TTC27: variants seen among roughly 807,000 people sequenced by gnomAD.
The protein encoded by TTC27 is tetratricopeptide repeat protein 27.
A neutral mutation model predicts 115.9 loss-of-function variants in TTC27; 79 were observed. That is an observed-to-expected ratio of 0.68 (90% CI 0.57 to 0.82). The LOEUF is 0.82. Among genes scored for constraint, TTC27 ranks in the 40% least tolerant of loss-of-function variants. The pLI is 0.00. For missense variants in TTC27, 1,054 were observed against 993.1 expected, an observed-to-expected ratio of 1.06 and a Z score of -0.82; for synonymous variants, 401 against 356.0, an observed-to-expected ratio of 1.13 and a Z score of -1.42.
At chr2:32,746,582 A>AAAAAAAAAT (rs56007091) in intron 12 of TTC27, among the ~76,000 whole-genome samples, 1 of 150,942 alleles carries the variant, frequency 6.6e-6, no homozygotes. Flanking sequence ...AAAAAAAAAA[A>AAAAAAAAAT]GAATGCACAT....
intron 12 of TTC27, among the ~76,000 whole-genome samples, chr2:32,739,418 T>C (rs1457837911): frequency 2.0e-5 from 3 of 152,154 alleles, no homozygotes; most frequent in Non-Finnish European, 4.4e-5. Context: ...AAAAACATAA[T>C]GAATCCATCC....
intron 13 of TTC27, among the ~76,000 whole-genome samples, chr2:32,762,287 GTGTGTGTGTGTGTGT>G: frequency 1.8e-5 from 1 of 57,054 alleles, no homozygotes; most frequent in Non-Finnish European, 4.2e-5. Context: ...GTGTGTGTGT[GTGTGTGTGTGTGTGT>G]GTGTGTGTGT....
intron 14 of TTC27, among the ~76,000 whole-genome samples, 179 bp from the exon 15 acceptor site, chr2:32,782,447 C>G (rs920745944): frequency 1.3e-5 from 2 of 152,096 alleles, no homozygotes; most frequent in Non-Finnish European, 2.9e-5. Context: ...TAACCTTTTT[C>G]TAAATTATAA....
At chr2:32,795,448 GCAGCCTCGA>G (rs2148030418) in intron 16 of TTC27, among the ~76,000 whole-genome samples, 1 of 152,082 alleles carries the variant, frequency 6.6e-6, no homozygotes, top group African/African-American at 2.4e-5. Flanking sequence ...ATGGAAGGAA[GCAGCCTCGA>G]CATAATAAAA....
intron 7 of TTC27, among the ~76,000 whole-genome samples, chr2:32,670,456 A>G (rs751967480): frequency 5.1e-4 from 78 of 152,262 alleles, no homozygotes; most frequent in Non-Finnish European, 6.2e-4. Context: ...CATACAGTGT[A>G]TAATCTTTTG....
chr2:32,661,788 G>A (rs1033292323), intron 5 of TTC27, among the ~76,000 whole-genome samples: 4 of 152,270 alleles, frequency 2.6e-5, no homozygotes, highest in Non-Finnish European at 5.9e-5. Flanking sequence ...GCCCTGGCCA[G>A]TACTTCCAAC....
intron 10 of TTC27, among the ~76,000 whole-genome samples, chr2:32,731,550 C>T (rs183639855): frequency 6.6e-6 from 1 of 151,988 alleles, no homozygotes; most frequent in African/African-American, 2.4e-5. Flanking sequence ...TATTTTTTAA[C>T]GATTTTTTTG....
In TTC27 at chr2:32,787,132, A is replaced by G. The variant is rs764835232; in HGVS notation, c.1981A>G (p.Lys661Glu). The G allele has an allele frequency of 1.9e-6, 3 of 1,611,724 alleles. No individual in the cohort carries two copies. Among genetic ancestry groups the G allele is most frequent in the Non-Finnish European group, 2.5e-6 (3 of 1,179,526 alleles). Residue 661 changes from lysine (K) to glutamate (E), a missense_variant, in exon 16 of 20, where the codon AAA (lysine) becomes GAA (glutamate). Coordinates refer to ENST00000317907, the MANE Select transcript of TTC27 (RefSeq NM_017735.5). The stretch of plus-strand genomic sequence containing the variant: ...TCACCGGCTCTTGGACTTACGTGAC[A>G]AATACAAAGATGTTCAGGTAGGATA... ...AYHRLLDLRD[K>E]YKDVQVLKIL...
chr2:32,681,449 T>C (rs1480068710), intron 9 of TTC27, among the ~76,000 whole-genome samples: 2 of 152,126 alleles, frequency 1.3e-5, no homozygotes, highest in Non-Finnish European at 2.9e-5. Flanking sequence ...CTGGTTTCAA[T>C]GAAGAAAGAA....
At chr2:32,702,020 A>AAAAAAAAAAAAC (rs796361003) in intron 9 of TTC27, among the ~76,000 whole-genome samples, 5 of 145,532 alleles carry the variant, frequency 3.4e-5, no homozygotes, top group Non-Finnish European at 4.5e-5. Context: ...CAAAAAAAAA[A>AAAAAAAAAAAAC]AAAAACAAAA....
chr2:32,688,892 C>G (rs1036718977), intron 9 of TTC27, among the ~76,000 whole-genome samples: 3 of 149,328 alleles, frequency 2.0e-5, no homozygotes, highest in African/African-American at 7.3e-5. Context: ...AAGTATATGT[C>G]CTCACAAAGA....
At chr2:32,813,964 G>A (rs1671399245) in intron 18 of TTC27, among the ~76,000 whole-genome samples, 1 of 152,158 alleles carries the variant, frequency 6.6e-6, no homozygotes, top group Admixed American at 6.5e-5. Context: ...CTGACCTCAT[G>A]ATGGGTGGGC....
chr2:32,685,767 A>C (rs912340226), intron 9 of TTC27, among the ~76,000 whole-genome samples: 1 of 152,232 alleles, frequency 6.6e-6, no homozygotes, highest in Non-Finnish European at 1.5e-5. Context: ...TTATTGGTGA[A>C]AAGTAGTCTT....
rs865818817 is a variant in TTC27 at position 32,666,729 on chromosome 2, A to C, written c.900A>C (p.Glu300Asp). Residue 300 changes from glutamate (E) to aspartate (D), a missense_variant, in exon 7 of 20, where the codon GAA becomes GAC. Transcript: ENST00000317907. ...RREGDVLSNC[E>D]FTPAPTPQEH... is the part of the protein sequence containing the mutation. Reference sequence around the variant, plus strand: ...AAGGGGATGTCCTTTCAAATTGTGAATTCACTCCAGCACCCACTCCTCAGG... The same window carrying C: ...AAGGGGATGTCCTTTCAAATTGTGACTTCACTCCAGCACCCACTCCTCAGG... The C allele has an allele frequency of 4.3e-6, 7 of 1,613,936 alleles. No homozygotes were observed. The African/African-American group carries it at 8.0e-5, about 18-fold the overall frequency.
intron 12 of TTC27, among the ~76,000 whole-genome samples, chr2:32,752,744 C>CT (rs1404519652): frequency 1.3e-5 from 2 of 152,176 alleles, no homozygotes; most frequent in Admixed American, 6.5e-5. Context: ...CAGATATACT[C>CT]TGCTGGTACA....
chr2:32,754,830 C>CG lies in TTC27; in HGVS notation c.1453-3462_1453-3461insG, dbSNP rs1352854616. 1.7e-4 allele frequency among the ~76,000 whole-genome samples: 25 copies of CG among 145,598 alleles called. 1 individual carries two copies. Among genetic ancestry groups the CG allele is most frequent in the African/African-American group, 6.1e-4 (24 of 39,338 alleles). On this transcript the variant is annotated intron_variant, in intron 12 of 19. Coordinates refer to ENST00000317907, the MANE Select transcript of TTC27 (RefSeq NM_017735.5). Reference sequence around the variant, plus strand: ...GGCTGGCTGGGCGGGGGGGCTGACCCCCCCCACCTCCCTCCCGGACGGGGC... The same window carrying CG: ...GGCTGGCTGGGCGGGGGGGCTGACCCGCCCCCACCTCCCTCCCGGACGGGGC...
chr2:32,755,085 C>T (rs1032836612), intron 12 of TTC27, among the ~76,000 whole-genome samples: 6 of 152,012 alleles, frequency 3.9e-5, no homozygotes, highest in African/African-American at 1.4e-4. Context: ...AGAGACGCTC[C>T]TCACTTCCTA....
intron 12 of TTC27, among the ~76,000 whole-genome samples, chr2:32,738,370 T>C (rs1668515988): frequency 1.3e-5 from 2 of 152,252 alleles, no homozygotes; most frequent in Admixed American, 1.3e-4. Flanking sequence ...CTCTAGTGCT[T>C]ACCTCATAAT....
intron 15 of TTC27, among the ~76,000 whole-genome samples, chr2:32,783,954 A>C (rs1484751798): frequency 6.6e-6 from 1 of 152,238 alleles, no homozygotes; most frequent in Admixed American, 6.5e-5. Flanking sequence ...TTACGTAGAG[A>C]TCATGAAATG....
Sources: gnomAD v4.1 joint callset for allele counts (sites outside exome capture counted in the v4.1 genomes callset) on GRCh38, gnomAD v4.1.1 for gene constraint, MANE v1.5 for transcripts, NCBI Gene and HGNC (gene_info 2026-07-23, HGNC 2026-07-21) for gene names.